CNTN4: variants seen among roughly 807,000 people sequenced by gnomAD.
CNTN4 encodes the protein contactin 4, also known as contactin-4.
In CNTN4, 77 loss-of-function variants were observed where a neutral mutation model predicts 122.5. The ratio of observed to expected loss-of-function variants is 0.63; its 90% CI spans 0.52 to 0.76. CNTN4 has a LOEUF of 0.76. Ranked by LOEUF, CNTN4 falls within the 30% of genes least tolerant of loss-of-function variation. CNTN4 has a pLI of 0.00. For missense variants in CNTN4, 1,256 were observed against 1,259.1 expected, an observed-to-expected ratio of 1.00 and a Z score of 0.04; for synonymous variants, 512 against 447.0, an observed-to-expected ratio of 1.15 and a Z score of -1.83.
At chr3:2,575,710 T>G (rs1247860983) in intron 4 of CNTN4, among the ~76,000 whole-genome samples, 4 of 152,026 alleles carry the variant, frequency 2.6e-5, no homozygotes, top group South Asian at 4.1e-4. Flanking sequence ...AATGGCAATA[T>G]TTATTTTGAC....
At chr3:2,446,777 A>G (rs954748611) in intron 3 of CNTN4, among the ~76,000 whole-genome samples, 3 of 152,188 alleles carry the variant, frequency 2.0e-5, no homozygotes, top group African/African-American at 7.2e-5. Context: ...TTTTTGCCTT[A>G]AAAATGACAG....
intron 13 of CNTN4, among the ~76,000 whole-genome samples, chr3:2,932,798 G>A (rs2094533003): frequency 7.4e-6 from 1 of 135,208 alleles, no homozygotes; most frequent in African/African-American, 3.0e-5. Flanking sequence ...GATGCTTACA[G>A]TCTTTATTTA....
chr3:2,589,427 A>G (rs76053700), intron 4 of CNTN4, among the ~76,000 whole-genome samples: 2,511 of 152,302 alleles, frequency 0.016, 69 homozygotes, highest in African/African-American at 0.054. Context: ...TATTACCATA[A>G]TAAGCCCAGT....
At chr3:2,761,929 TCCATACTCA>T (rs2090609710) in intron 6 of CNTN4, among the ~76,000 whole-genome samples, 2 of 152,212 alleles carry the variant, frequency 1.3e-5, no homozygotes, top group Non-Finnish European at 1.5e-5. Flanking sequence ...ACTTGAGTTA[TCCATACTCA>T]GTATGGAGAT....
chr3:2,507,746 A>T (rs1026708782), intron 3 of CNTN4, among the ~76,000 whole-genome samples: 3 of 150,548 alleles, frequency 2.0e-5, no homozygotes, highest in Admixed American at 2.0e-4. Flanking sequence ...AAAAAAAAAA[A>T]AAAAGAAAGA....
At chr3:2,729,905 C>A (rs541098459) in intron 4 of CNTN4, among the ~76,000 whole-genome samples, 1 of 152,094 alleles carries the variant, frequency 6.6e-6, no homozygotes, top group African/African-American at 2.4e-5. Flanking sequence ...CAGAGGGAGA[C>A]CCCATCTCAA....
chr3:2,874,960 T>C (rs2093826443), intron 8 of CNTN4, among the ~76,000 whole-genome samples: 1 of 152,232 alleles, frequency 6.6e-6, no homozygotes, highest in South Asian at 2.1e-4. Flanking sequence ...GCTGTTACAG[T>C]AAGTTGTGCT....
chr3:2,469,418 G>C (rs971542337), intron 3 of CNTN4, among the ~76,000 whole-genome samples: 10 of 152,094 alleles, frequency 6.6e-5, no homozygotes, highest in Non-Finnish European at 1.3e-4. Flanking sequence ...TTCTAACAGA[G>C]GTCATAGCTG....
intron 4 of CNTN4, among the ~76,000 whole-genome samples, chr3:2,613,053 G>C (rs1457892423): frequency 6.6e-6 from 1 of 152,114 alleles, no homozygotes; most frequent in Non-Finnish European, 1.5e-5. Context: ...CAGGGGCTTT[G>C]TCTGCTTATC....
intron 3 of CNTN4, among the ~76,000 whole-genome samples, chr3:2,407,388 T>C (rs2047076912): frequency 6.6e-6 from 1 of 152,178 alleles, no homozygotes; most frequent in African/African-American, 2.4e-5. Context: ...TTTTTTTTTC[T>C]TTTTGTTTTT....
At chr3:2,332,267 A>G (rs1217602835) in intron 2 of CNTN4, among the ~76,000 whole-genome samples, 2 of 152,206 alleles carry the variant, frequency 1.3e-5, no homozygotes, top group South Asian at 2.1e-4. Context: ...TACAAATAAA[A>G]TCAAATCACA....
At chr3:2,488,153 A>G (rs1033892272) in intron 3 of CNTN4, among the ~76,000 whole-genome samples, 6 of 152,202 alleles carry the variant, frequency 3.9e-5, no homozygotes, top group African/African-American at 1.2e-4. Flanking sequence ...TTCAAATACA[A>G]CTACTGGTAA....
chr3:2,665,546 C>G (rs1225387416), intron 4 of CNTN4, among the ~76,000 whole-genome samples: 1 of 152,158 alleles, frequency 6.6e-6, no homozygotes, highest in Admixed American at 6.5e-5. Context: ...AGTTGAGCCT[C>G]TTTGTGAACT....
rs535459976 is a variant in CNTN4, at chr3:2,958,821, T to C, written c.1359-29524T>C. The stretch of plus-strand genomic sequence containing the variant: ...GGTATTCTGGGTATGCTATGAGTAA[T>C]CCAGGGAACTAATGCTCAACCTAGG... On this transcript the variant is annotated intron_variant, in intron 13 of 24. Transcript: ENST00000418658. 5.9e-5 allele frequency among the ~76,000 whole-genome samples: 9 copies of C among 152,258 alleles called. No homozygotes were observed. In the East Asian group the frequency reaches 1.7e-3, roughly 29 times the overall value.
intron 2 of CNTN4, among the ~76,000 whole-genome samples, chr3:2,178,054 C>T (rs1438638197): frequency 1.3e-5 from 2 of 152,062 alleles, no homozygotes; most frequent in African/African-American, 4.8e-5. Context: ...CATTACCATT[C>T]ACTTCATCCT....
intron 2 of CNTN4, among the ~76,000 whole-genome samples, chr3:2,250,441 T>G (rs1300058194): frequency 6.6e-6 from 1 of 151,926 alleles, no homozygotes; most frequent in Non-Finnish European, 1.5e-5. Flanking sequence ...AGCCTCTTAT[T>G]TTTTAATCTA....
intron 4 of CNTN4, among the ~76,000 whole-genome samples, chr3:2,591,263 A>T (rs1012868093): frequency 6.6e-6 from 1 of 151,964 alleles, no homozygotes; most frequent in Admixed American, 6.6e-5. Flanking sequence ...TTTGTATTAT[A>T]AGCTGATAAA....
Position 2,604,717 on chromosome 3 carries a change from T to G in CNTN4, c.55+33159T>G, listed in dbSNP as rs140757535. On this transcript the variant is annotated intron_variant, in intron 4 of 24. Transcript: ENST00000418658. The stretch of plus-strand genomic sequence containing the variant: ...TTTACATATAAAAAGCTGTACATAT[T>G]TAAGAGATACAACTTGATGTGTCTA... 2.0e-3 allele frequency among the ~76,000 whole-genome samples: 311 copies of G among 152,234 alleles called. 3 individuals are homozygous for G. Among genetic ancestry groups the G allele is most frequent in the African/African-American group, 7.4e-3 (307 of 41,532 alleles).
At chr3:2,129,508 G>A (rs576966924) in intron 2 of CNTN4, among the ~76,000 whole-genome samples, 1 of 152,096 alleles carries the variant, frequency 6.6e-6, no homozygotes, top group South Asian at 2.1e-4. Flanking sequence ...TACATGCAAA[G>A]AGGGCATGTT....
Sources: gnomAD v4.1 joint callset for allele counts (sites outside exome capture counted in the v4.1 genomes callset) on GRCh38, gnomAD v4.1.1 for gene constraint, MANE v1.5 for transcripts, NCBI Gene and HGNC (gene_info 2026-07-23, HGNC 2026-07-21) for gene names.